ITPKA: variants seen among roughly 807,000 people sequenced by gnomAD.
The protein encoded by ITPKA is IP3 3-kinase A.
Under a neutral mutation model 40.7 loss-of-function variants are expected in ITPKA, and 16 were observed. The ratio of observed to expected loss-of-function variants is 0.39; its 90% CI spans 0.27 to 0.60. ITPKA has a LOEUF of 0.60. Ranked by LOEUF, ITPKA falls within the 20% of genes least tolerant of loss-of-function variation. ITPKA has a pLI of 0.50. For missense variants in ITPKA, 540 were observed against 649.3 expected, an observed-to-expected ratio of 0.83 and a Z score of 1.83; for synonymous variants, 313 against 289.9, an observed-to-expected ratio of 1.08 and a Z score of -0.81.
intron 1 of ITPKA, 148 bp from the exon 2 acceptor site, chr15:41,501,315 T>C: frequency 6.8e-7 from 1 of 1,462,720 alleles, no homozygotes; most frequent in Non-Finnish European, 9.0e-7. Context: ...CAAATAAACC[T>C]TCCCAGAGTG....
Position 41,503,399 on chromosome 15 carries a change from C to A in ITPKA, c.*233C>A, listed in dbSNP as rs534194994. 1.7e-6 allele frequency: 1 copy of A among 592,254 alleles called. No homozygotes were observed. The highest frequency in any genetic ancestry group is 3.0e-6 in the Non-Finnish European group (1 of 329,334). 36.7% of individuals were successfully genotyped at this position (592,254 alleles called of 1,614,324 possible). A position where few individuals can be genotyped will look rare whatever the true frequency, so the allele number is the denominator to read the frequency against. On this transcript the variant is annotated 3_prime_UTR_variant, in exon 7 of 7. Coordinates refer to ENST00000260386, the MANE Select transcript of ITPKA (RefSeq NM_002220.3). ...CACTAACTTATAGAAGGGGAGGGGG[C>A]AAAGGGCTTCTTCCTCAGGCCAGCT...
At position 41,502,869 on chromosome 15, in the gene ITPKA, G is replaced by A. The variant is rs981945742; in HGVS notation, c.1182+10G>A. 4.3e-6 allele frequency: 7 copies of A among 1,611,378 alleles called. No homozygotes were observed. The highest frequency in any genetic ancestry group is 5.9e-6 in the Non-Finnish European group (7 of 1,179,032). ...CTTCAGGAGGCACGAGGTAAGCGGCGGCTGCCCGGGTGCCCGGGCCGCGAG... is the reference window on the plus strand; with the variant it reads ...CTTCAGGAGGCACGAGGTAAGCGGCAGCTGCCCGGGTGCCCGGGCCGCGAG... On this transcript the variant is annotated intron_variant, in intron 6 of 6. Coordinates refer to ENST00000260386, the MANE Select transcript of ITPKA (RefSeq NM_002220.3).
At chr15:41,496,323 G>T (rs910771195) in intron 1 of ITPKA, among the ~76,000 whole-genome samples, 2 of 152,156 alleles carry the variant, frequency 1.3e-5, no homozygotes, top group Non-Finnish European at 2.9e-5. Context: ...AGCCCCTTAC[G>T]CGCGGCCCAG....
chr15:41,501,910 G>A lies in ITPKA; in HGVS notation c.803+59G>A, dbSNP rs192071207. ...CAAGTAGGGGTCCGGGGCCGGGACA[G>A]CTGCTTGAGGGGGACCCGGGGCGAG... On this transcript the variant is annotated intron_variant, in intron 3 of 6. Transcript: ENST00000260386. 3.9e-3 allele frequency: 6,264 copies of A among 1,591,986 alleles called. 34 individuals are homozygous for A. Among genetic ancestry groups the A allele is most frequent in the South Asian group, 0.014 (1,233 of 89,898 alleles).
In ITPKA at chr15:41,503,085, G is replaced by T; in HGVS notation, c.1305G>T (p.Trp435Cys). Residue 435 changes from tryptophan to cysteine, a missense_variant, in exon 7 of 7, where the codon TGG becomes TGT. Transcript: ENST00000260386. ...AGATCCTGGACCACCGGCGGCCCTG[G>T]GAGGAGGGCAACCGCGAGGACGGCT... ...DGQILDHRRPWEEGNREDGYL... is the reference protein window; with the variant it reads ...DGQILDHRRPCEEGNREDGYL... 1 of 1,606,922 alleles carries T rather than the reference G, an allele frequency of 6.2e-7. No individual in the cohort carries two copies. Among genetic ancestry groups the T allele is most frequent in the Non-Finnish European group, 8.5e-7 (1 of 1,174,460 alleles).
In ITPKA at chr15:41,494,909, G is replaced by A. The variant is rs916436339; in HGVS notation, c.489+493G>A. ...CTCCAGGCTCTGCTCGGGAGCCGCT[G>A]CCGTCTGCTCCCAGCGCCCGCACGA... On this transcript the variant is annotated intron_variant, in intron 1 of 6. Coordinates refer to ENST00000260386, the MANE Select transcript of ITPKA (RefSeq NM_002220.3). The surrounding 1 kb of genome is among the most constrained non-coding windows in gnomAD (Gnocchi z 7.8). Among the ~76,000 whole-genome samples, 7 of 152,234 alleles carry A rather than the reference G, an allele frequency of 4.6e-5. No homozygotes were observed. The highest frequency in any genetic ancestry group is 7.3e-5 in the Non-Finnish European group (5 of 68,030).
In ITPKA at chr15:41,502,129, G is replaced by A; in HGVS notation, c.936G>A (p.Lys312=). ...AGCACGCGCAGCGCGCCGTCACCAA[G>A]CCGCGCTACATGCAGTGGCGGGAAG... ...EEEHAQRAVT[K]PRYMQWREGI... Residue 312 remains lysine (K), a synonymous_variant, in exon 4 of 7, where the codon AAG becomes AAA. Transcript: ENST00000260386. 1.2e-6 allele frequency: 2 copies of A among 1,610,270 alleles called. No individual in the cohort carries two copies. The highest frequency in any genetic ancestry group is 1.7e-6 in the Non-Finnish European group (2 of 1,178,814).
chr15:41,496,378 T>C (rs1457792301), intron 1 of ITPKA, among the ~76,000 whole-genome samples: 1 of 152,140 alleles, frequency 6.6e-6, no homozygotes, highest in South Asian at 2.1e-4. Flanking sequence ...CCTGCCTACC[T>C]CTCTGCCTGG....
chr15:41,502,082 C>T lies in ITPKA; in HGVS notation c.889C>T (p.Pro297Ser). The T allele has an allele frequency of 1.2e-6, 2 of 1,613,034 alleles. No homozygotes were observed. Among genetic ancestry groups the T allele is most frequent in the Non-Finnish European group, 1.7e-6 (2 of 1,179,888 alleles). Residue 297 changes from proline to serine, a missense_variant, in exon 4 of 7, where the codon CCT becomes TCT. Coordinates refer to ENST00000260386, the MANE Select transcript of ITPKA (RefSeq NM_002220.3). Reference sequence around the variant, plus strand: ...GTACAAGAAAATGCTGGCGGTGGATCCTGAAGCTCCCACGGAGGAGGAGCA... The same window carrying T: ...GTACAAGAAAATGCTGGCGGTGGATTCTGAAGCTCCCACGGAGGAGGAGCA... The part of the protein sequence containing the change: ...DMYKKMLAVD[P>S]EAPTEEEHAQ...
intron 1 of ITPKA, among the ~76,000 whole-genome samples, chr15:41,495,407 C>T (rs575378656): frequency 6.6e-6 from 1 of 152,322 alleles, no homozygotes; most frequent in East Asian, 1.9e-4. Context: ...CGCGGCGGGG[C>T]GGGGAGAGCT....
At chr15:41,497,990 A>G (rs544122349) in intron 1 of ITPKA, among the ~76,000 whole-genome samples, 58 of 152,226 alleles carry the variant, frequency 3.8e-4, no homozygotes, top group African/African-American at 1.3e-3. Context: ...CGTCTCTACT[A>G]AAAATATAAA....
chr15:41,498,840 AG>A (rs1389129213), intron 1 of ITPKA, among the ~76,000 whole-genome samples: 1 of 152,216 alleles, frequency 6.6e-6, no homozygotes, highest in African/African-American at 2.4e-5. Flanking sequence ...AAAGGGAGGC[AG>A]GATGGTAGCA....
intron 1 of ITPKA, among the ~76,000 whole-genome samples, chr15:41,495,345 A>AG (rs1290220677): frequency 6.6e-6 from 1 of 152,142 alleles, no homozygotes; most frequent in Non-Finnish European, 1.5e-5. Flanking sequence ...GGAAGAGGCG[A>AG]GGGGCGCCCC....
At position 41,496,135 on chromosome 15, in the gene ITPKA, A is replaced by G. The variant is rs2051068967; in HGVS notation, c.489+1719A>G. Among the ~76,000 whole-genome samples, 7 of 152,350 alleles carry G rather than the reference A, an allele frequency of 4.6e-5. No individual in the cohort carries two copies. In the South Asian group the frequency reaches 1.4e-3, roughly 32 times the overall value. On this transcript the variant is annotated intron_variant, in intron 1 of 6. Coordinates refer to ENST00000260386, the MANE Select transcript of ITPKA (RefSeq NM_002220.3). ...GGCAGATAAGCCAGGGGCTGTTGAC[A>G]GAGGCTGCCTGAGTCCGTGTGGAAG...
chr15:41,501,922 G>A (rs888968699), intron 3 of ITPKA, 71 bp downstream of exon 3: 8 of 1,590,210 alleles, frequency 5.0e-6, no homozygotes, highest in African/African-American at 1.3e-5. Flanking sequence ...TGCTTGAGGG[G>A]GACCCGGGGC....
chr15:41,502,604 C>T, intron 5 of ITPKA, 101 bp downstream of exon 5: 2 of 924,952 alleles, frequency 2.2e-6, no homozygotes, highest in Non-Finnish European at 3.4e-6. Context: ...CCACCATGGC[C>T]CTCACCGCGC....
intron 1 of ITPKA, among the ~76,000 whole-genome samples, chr15:41,497,946 G>A (rs934176625): frequency 2.0e-5 from 3 of 152,112 alleles, no homozygotes; most frequent in Admixed American, 6.6e-5. Flanking sequence ...GAGGCCAGGA[G>A]TTTGAGACCA....
In ITPKA at chr15:41,501,320, A is replaced by G. The variant is rs567226854; in HGVS notation, c.490-143A>G. 4 of 1,466,954 alleles carry G rather than the reference A, an allele frequency of 2.7e-6. No homozygotes were observed. The African/African-American group carries it at 5.7e-5, about 21-fold the overall frequency. The allele number at this position is 1,466,954 out of a possible 1,614,324, so 90.9% of individuals were successfully genotyped here. ...CACAGGCGCACAAATAAACCTTCCC[A>G]GAGTGAATGAATGAATTAATGACTC... is the stretch of plus-strand genomic sequence containing the variant. On this transcript the variant is annotated intron_variant, in intron 1 of 6. Transcript: ENST00000260386.
At chr15:41,501,267 T>C in intron 1 of ITPKA, 196 bp from the exon 2 acceptor site, 3 of 971,462 alleles carry the variant, frequency 3.1e-6, no homozygotes, top group Non-Finnish European at 3.7e-6. Context: ...TGGAATCACC[T>C]TCACTGCGCC....
Sources: allele counts gnomAD v4.1 joint callset (sites outside exome capture counted in the v4.1 genomes callset), GRCh38; gene constraint gnomAD v4.1.1; non-coding constraint Gnocchi (gnomAD v3.1); transcripts MANE v1.5; gene names NCBI Gene and HGNC (gene_info 2026-07-23, HGNC 2026-07-21).